Variants in CFAP251 observed in about 807,000 individuals in gnomAD.
The protein encoded by CFAP251 is cilia and flagella associated protein 251.
In CFAP251, 93 loss-of-function variants were observed where a neutral mutation model predicts 126.7. That is an observed-to-expected ratio of 0.73 (90% CI 0.62 to 0.87). The LOEUF (loss-of-function observed/expected upper bound fraction) is 0.87, where lower values mean the gene tolerates loss of function less well. Among genes scored for constraint, CFAP251 ranks in the 40% least tolerant of loss-of-function variants. The probability of loss-of-function intolerance (pLI) is 0.00; values close to 1 mark genes in which losing one functional copy is unlikely to be tolerated. For missense variants in CFAP251, 1,287 were observed against 1,389.2 expected, an observed-to-expected ratio of 0.93 and a Z score of 1.17; for synonymous variants, 503 against 506.9, an observed-to-expected ratio of 0.99 and a Z score of 0.10.
chr12:121,925,808 C>G (rs1274871941), intron 3 of CFAP251, among the ~76,000 whole-genome samples: 2 of 152,136 alleles, frequency 1.3e-5, no homozygotes, highest in African/African-American at 4.8e-5. Context: ...CAAAAATTTT[C>G]TAGACTGTCT....
At chr12:121,958,173 A>G in intron 11 of CFAP251, 99 bp from the exon 12 acceptor site, 1 of 1,504,450 alleles carries the variant, frequency 6.6e-7, no homozygotes, top group Non-Finnish European at 9.0e-7. Flanking sequence ...ACTAAATTAC[A>G]GACGACAGAG....
intron 20 of CFAP251, 102 bp from the exon 21 acceptor site, chr12:122,001,395 T>A: frequency 1.8e-6 from 2 of 1,092,170 alleles, no homozygotes; most frequent in Non-Finnish European, 2.8e-6. Context: ...AAAAAAATAG[T>A]GGGATAATTC....
At chr12:121,992,546 T>C (rs1471070528) in intron 19 of CFAP251, 1 of 867,124 alleles carries the variant, frequency 1.2e-6, no homozygotes, top group African/African-American at 1.8e-5. Context: ...CATTGGTAAT[T>C]TATATATATT....
intron 5 of CFAP251, among the ~76,000 whole-genome samples, chr12:121,934,770 C>T (rs1260130831): frequency 6.6e-6 from 1 of 152,178 alleles, no homozygotes; most frequent in East Asian, 1.9e-4. Context: ...TGCTGTTTCT[C>T]TGCAGTCTCT....
At chr12:121,951,725 A>AT (rs556826167) in intron 9 of CFAP251, among the ~76,000 whole-genome samples, 195 bp downstream of exon 9, 228 of 149,230 alleles carry the variant, frequency 1.5e-3, no homozygotes, top group Non-Finnish European at 1.7e-3. Flanking sequence ...GTTAAAAATA[A>AT]TTTTTTTTTT....
Position 121,967,994 on chromosome 12 carries a change from G to A in CFAP251, c.2608-12G>A. ...CCTGAGTCTGAATATCCAATTATGT[G>A]TTCCTTTCTAGGTGGGACTTCAGAT... On this transcript the variant is annotated splice_polypyrimidine_tract_variant and intron_variant, in intron 16 of 21. Coordinates refer to ENST00000288912, the MANE Select transcript of CFAP251 (RefSeq NM_144668.6). 3.8e-6 allele frequency: 6 copies of A among 1,590,746 alleles called. No homozygotes were observed. The highest frequency in any genetic ancestry group is 5.2e-6 in the Non-Finnish European group (6 of 1,161,626).
intron 19 of CFAP251, among the ~76,000 whole-genome samples, chr12:121,987,200 G>A (rs1456279786): frequency 6.6e-6 from 1 of 152,194 alleles, no homozygotes; most frequent in Admixed American, 6.5e-5. Context: ...GCCCTGAAAC[G>A]TAAATATCAG....
chr12:121,931,656 T>G, intron 3 of CFAP251, 90 bp from the exon 4 acceptor site: 15 of 1,305,218 alleles, frequency 1.1e-5, no homozygotes, highest in Non-Finnish European at 1.4e-5. Flanking sequence ...ACTGTTGATG[T>G]GAAATCCTTC....
chr12:121,957,805 T>G (rs1881782060), intron 11 of CFAP251, among the ~76,000 whole-genome samples: 2 of 152,184 alleles, frequency 1.3e-5, no homozygotes, highest in South Asian at 4.1e-4. Flanking sequence ...TCACCTCTGT[T>G]GAGTCTGGAG....
chr12:121,979,549 T>A (rs1882563205), intron 19 of CFAP251, among the ~76,000 whole-genome samples: 1 of 134,966 alleles, frequency 7.4e-6, no homozygotes, highest in South Asian at 2.6e-4. Flanking sequence ...AGATCATTAG[T>A]CAGCTTTCTT....
chr12:121,924,068 GA>G, intron 3 of CFAP251, 78 bp downstream of exon 3: 2 of 1,445,074 alleles, frequency 1.4e-6, no homozygotes, highest in Admixed American at 2.3e-5. Flanking sequence ...CATGTTGGGG[GA>G]AAAAGAATAC....
chr12:121,919,626 C>A (rs1023368305), intron 1 of CFAP251, among the ~76,000 whole-genome samples: 3 of 152,096 alleles, frequency 2.0e-5, no homozygotes, highest in Non-Finnish European at 2.9e-5. Context: ...CCCAAGGTCA[C>A]AGAGCAAGTA....
intron 5 of CFAP251, 119 bp from the exon 6 acceptor site, chr12:121,942,415 G>T (rs1340826560): frequency 9.5e-6 from 6 of 629,042 alleles, no homozygotes; most frequent in Non-Finnish European, 1.7e-5. Context: ...CCACTGTATG[G>T]ATAGACCACA....
chr12:122,001,704 C>T (rs1184380735), intron 21 of CFAP251, 106 bp downstream of exon 21: 5 of 825,912 alleles, frequency 6.1e-6, no homozygotes, highest in African/African-American at 1.7e-5. Flanking sequence ...CTCCCTAAGA[C>T]TGCACATAAC....
At chr12:121,927,545 C>T (rs755268675) in intron 3 of CFAP251, among the ~76,000 whole-genome samples, 8 of 152,226 alleles carry the variant, frequency 5.3e-5, no homozygotes, top group African/African-American at 1.7e-4. Context: ...GATCCACCCA[C>T]CTCAGCCTCC....
At chr12:121,957,363 G>A in intron 11 of CFAP251, 95 bp downstream of exon 11, 1 of 1,245,142 alleles carries the variant, frequency 8.0e-7, no homozygotes, top group Non-Finnish European at 1.1e-6. Flanking sequence ...TTGTTCCTGG[G>A]ATATCTCCCT....
chr12:121,981,445 C>A (rs1882619473), intron 19 of CFAP251, among the ~76,000 whole-genome samples: 1 of 152,094 alleles, frequency 6.6e-6, no homozygotes, highest in African/African-American at 2.4e-5. Context: ...ACACACACAC[C>A]CCACACTCCT....
chr12:121,992,671 G>A (rs1163255154), intron 19 of CFAP251: 3 of 246,544 alleles, frequency 1.2e-5, no homozygotes, highest in Non-Finnish European at 1.9e-5. Context: ...TCCACCTCCC[G>A]GGCTCAGGTG....
intron 7 of CFAP251, among the ~76,000 whole-genome samples, chr12:121,945,063 G>A (rs575313740): frequency 9.5e-4 from 144 of 151,950 alleles, no homozygotes; most frequent in African/African-American, 3.2e-3. Flanking sequence ...GATTACAGGC[G>A]TGAGCCACCA....
Sources: allele counts gnomAD v4.1 joint callset (sites outside exome capture counted in the v4.1 genomes callset), GRCh38; gene constraint gnomAD v4.1.1; transcripts MANE v1.5; gene names NCBI Gene and HGNC (gene_info 2026-07-23, HGNC 2026-07-21).